The following MBNL2 variants were observed in gnomAD, a reference collection of about 807,000 sequenced individuals.
MBNL2 encodes muscleblind like splicing regulator 2.
In MBNL2, 17 loss-of-function variants were observed where a neutral mutation model predicts 41.9. The observed-to-expected ratio is 0.41, with a 90% CI of 0.28 to 0.61. MBNL2 has a LOEUF of 0.61. Among genes scored for constraint, MBNL2 ranks in the 20% least tolerant of loss-of-function variants. The pLI is 0.35. For synonymous variants in MBNL2, 195 were observed against 182.9 expected (o/e 1.07, Z -0.53); for missense variants, 336 against 505.6 (o/e 0.66, Z 3.22).
At chr13:97,282,050 C>CA (rs35288409) in intron 2 of MBNL2, among the ~76,000 whole-genome samples, 72,991 of 146,118 alleles carry the variant, frequency 0.5, 19,823 homozygotes, top group East Asian at 0.65. Flanking sequence ...TGTTGAGGTC[C>CA]AAAAAAAAAA....
At chr13:97,263,608 C>A (rs2049081408) in intron 1 of MBNL2, among the ~76,000 whole-genome samples, 1 of 152,128 alleles carries the variant, frequency 6.6e-6, no homozygotes, top group Non-Finnish European at 1.5e-5. Flanking sequence ...GAGCGAGGAA[C>A]CAGCCTGTAC....
intron 1 of MBNL2, among the ~76,000 whole-genome samples, chr13:97,226,843 A>G (rs1293233393): frequency 1.3e-5 from 2 of 152,130 alleles, no homozygotes; most frequent in Non-Finnish European, 2.9e-5. Context: ...TGCCTGGGGA[A>G]AATGGACATA....
chr13:97,258,741 C>T (rs980472281), intron 1 of MBNL2, among the ~76,000 whole-genome samples: 9 of 152,130 alleles, frequency 5.9e-5, no homozygotes, highest in Non-Finnish European at 1.3e-4. Flanking sequence ...TGGGATGGGG[C>T]TGGATGTGGA....
intron 2 of MBNL2, among the ~76,000 whole-genome samples, chr13:97,328,662 C>T (rs1005526957): frequency 2.0e-5 from 3 of 151,836 alleles, no homozygotes; most frequent in African/African-American, 4.9e-5. Flanking sequence ...ATTATTCCAG[C>T]GGAATACAAA....
the MBNL2 span, among the ~76,000 whole-genome samples, chr13:97,209,271 A>C: frequency 6.6e-6 from 1 of 152,196 alleles, no homozygotes. Flanking sequence ...CTGTCAAAAC[A>C]TGTTAATAGA....
chr13:97,203,944 GGATGGATGGACA>G, the MBNL2 span, among the ~76,000 whole-genome samples: 1 of 152,092 alleles, frequency 6.6e-6, no homozygotes, highest in African/African-American at 2.4e-5. Flanking sequence ...ATGGACAGAC[GGATGGATGGACA>G]GATGGATGGT....
chr13:97,220,594 G>A (rs962585826), upstream of MBNL2, among the ~76,000 whole-genome samples: 2 of 152,062 alleles, frequency 1.3e-5, no homozygotes, highest in African/African-American at 2.4e-5. Flanking sequence ...GAATGTGAAA[G>A]GAACATGACT....
At chr13:97,347,465 G>A (rs2061991420) in intron 5 of MBNL2, among the ~76,000 whole-genome samples, 1 of 152,228 alleles carries the variant, frequency 6.6e-6, no homozygotes, top group African/African-American at 2.4e-5. Context: ...GAGGCACCCA[G>A]CTCCTTGGAG....
At chr13:97,181,104 C>A in the MBNL2 span, among the ~76,000 whole-genome samples, 5 of 151,752 alleles carry the variant, frequency 3.3e-5, no homozygotes, top group Non-Finnish European at 4.4e-5. Context: ...TCCCCCCCAC[C>A]TTCTCTGACT....
intron 1 of MBNL2, among the ~76,000 whole-genome samples, chr13:97,234,622 A>G (rs961165806): frequency 6.6e-6 from 1 of 152,156 alleles, no homozygotes; most frequent in Non-Finnish European, 1.5e-5. Flanking sequence ...CCCTCCAGAA[A>G]TCCCTGGCAA....
At chr13:97,248,137 C>A (rs1310937012) in intron 1 of MBNL2, among the ~76,000 whole-genome samples, 1 of 152,072 alleles carries the variant, frequency 6.6e-6, no homozygotes, top group African/African-American at 2.4e-5. Flanking sequence ...TACACACATA[C>A]ATATATATAT....
chr13:97,168,954 G>A, the MBNL2 span, among the ~76,000 whole-genome samples: 2 of 152,124 alleles, frequency 1.3e-5, no homozygotes, highest in Admixed American at 1.3e-4. Flanking sequence ...ATTTAGACAG[G>A]TTACAGAAGG....
At chr13:97,332,110 T>G (rs1470401843) in intron 2 of MBNL2, among the ~76,000 whole-genome samples, 1 of 152,206 alleles carries the variant, frequency 6.6e-6, no homozygotes, top group Non-Finnish European at 1.5e-5. Context: ...GGAATTCTGC[T>G]TTCCCAAGTC....
At chr13:97,330,036 T>C (rs2060298590) in intron 2 of MBNL2, among the ~76,000 whole-genome samples, 1 of 152,218 alleles carries the variant, frequency 6.6e-6, no homozygotes, top group African/African-American at 2.4e-5. Context: ...TTAACATCTG[T>C]CTTCCCCACA....
the MBNL2 span, among the ~76,000 whole-genome samples, chr13:97,189,644 A>C: frequency 6.6e-6 from 1 of 152,288 alleles, no homozygotes; most frequent in East Asian, 1.9e-4. Flanking sequence ...ATGTGTGTCC[A>C]TTTGCATACA....
chr13:97,224,223 TG>T (rs948106356), intron 1 of MBNL2, among the ~76,000 whole-genome samples: 2 of 152,212 alleles, frequency 1.3e-5, no homozygotes, highest in African/African-American at 4.8e-5. Context: ...TATTCCCAGT[TG>T]CTCCAGAGCC....
At chr13:97,162,882 G>C in the MBNL2 span, among the ~76,000 whole-genome samples, 1 of 152,226 alleles carries the variant, frequency 6.6e-6, no homozygotes, top group Non-Finnish European at 1.5e-5. Flanking sequence ...GAGTGAGAGA[G>C]ATAGGAGAGT....
the MBNL2 span, among the ~76,000 whole-genome samples, chr13:97,187,449 T>C: frequency 1.6e-4 from 25 of 151,656 alleles, no homozygotes; most frequent in South Asian, 8.4e-4. Flanking sequence ...GGTTCAAAAA[T>C]AGGAGAAGCA....
intron 1 of MBNL2, among the ~76,000 whole-genome samples, chr13:97,266,110 C>A (rs186463124): frequency 1.3e-5 from 2 of 152,202 alleles, no homozygotes; most frequent in Admixed American, 6.5e-5. Flanking sequence ...GGCTTGGTGG[C>A]AGGTGCCTGT....
Sources: allele counts gnomAD v4.1 joint callset (sites outside exome capture counted in the v4.1 genomes callset), GRCh38; gene constraint gnomAD v4.1.1; transcripts MANE v1.5; gene names NCBI Gene and HGNC (gene_info 2026-07-23, HGNC 2026-07-21).